Variants in CTNNA3 observed in about 807,000 individuals in gnomAD.
CTNNA3 encodes catenin alpha-3.
Under a neutral mutation model 95.7 loss-of-function variants are expected in CTNNA3, and 76 were observed. The observed-to-expected ratio is 0.79, with a 90% CI of 0.66 to 0.96. The LOEUF (loss-of-function observed/expected upper bound fraction) is 0.96, where lower values mean the gene tolerates loss of function less well. Ranked by LOEUF, CTNNA3 falls within the 40% of genes least tolerant of loss-of-function variation. The pLI, the probability that CTNNA3 is intolerant of heterozygous loss-of-function variation, is 0.00. For synonymous variants in CTNNA3, 431 were observed against 374.4 expected, an observed-to-expected ratio of 1.15 and a Z score of -1.74; for missense variants, 1,191 against 1,089.8, an observed-to-expected ratio of 1.09 and a Z score of -1.31.
At chr10:67,560,885 C>A (rs955534786) in intron 3 of CTNNA3, among the ~76,000 whole-genome samples, 1 of 152,054 alleles carries the variant, frequency 6.6e-6, no homozygotes, top group African/African-American at 2.4e-5. Flanking sequence ...TCAAAAGAGA[C>A]AAAGAAGGCC....
At chr10:67,519,108 C>A (rs1313020496) in intron 5 of CTNNA3, among the ~76,000 whole-genome samples, 1 of 152,086 alleles carries the variant, frequency 6.6e-6, no homozygotes, top group Admixed American at 6.6e-5. Context: ...GATGTGCAGG[C>A]ACTCACTCTT....
At chr10:66,409,062 C>CTATCAAG (rs1241623538) in intron 11 of CTNNA3, among the ~76,000 whole-genome samples, 2 of 152,156 alleles carry the variant, frequency 1.3e-5, no homozygotes, top group East Asian at 1.9e-4. Flanking sequence ...AATTATTTTT[C>CTATCAAG]TATCAAGTCC....
chr10:67,497,142 C>T (rs1839050945), intron 5 of CTNNA3, among the ~76,000 whole-genome samples: 1 of 152,104 alleles, frequency 6.6e-6, no homozygotes, highest in Non-Finnish European at 1.5e-5. Context: ...CCCATGTATT[C>T]TCATTGTTCA....
upstream of CTNNA3, among the ~76,000 whole-genome samples, chr10:67,700,054 A>G (rs189822684): frequency 6.6e-5 from 10 of 152,346 alleles, no homozygotes; most frequent in East Asian, 1.7e-3. Context: ...ACTGCAAGGC[A>G]GCAGCGAGGC....
rs1310286104 is a variant in CTNNA3 at position 66,178,411 on chromosome 10, A to ATATG, written c.1885-75163_1885-75162insCATA. On this transcript the variant is annotated intron_variant, in intron 13 of 17. Coordinates refer to ENST00000433211, the MANE Select transcript of CTNNA3 (RefSeq NM_013266.4). ...AAACCTTGAAAGTGTATATATATATATATATATATATATATATATATATAT... is the reference window on the plus strand; with the variant it reads ...AAACCTTGAAAGTGTATATATATATATATGTATATATATATATATATATATATAT... 7.8e-3 allele frequency among the ~76,000 whole-genome samples: 339 copies of ATATG among 43,200 alleles called. 1 individual carries two copies. Among genetic ancestry groups the ATATG allele is most frequent in the African/African-American group, 0.04 (322 of 8,142 alleles). 28.3% of individuals were successfully genotyped at this position (43,200 alleles called of 152,430 possible).
intron 7 of CTNNA3, among the ~76,000 whole-genome samples, chr10:67,000,469 C>G (rs1265303288): frequency 1.3e-5 from 2 of 152,200 alleles, no homozygotes; most frequent in Non-Finnish European, 2.9e-5. Context: ...TGAGAGACAA[C>G]ACCTACTTAC....
intron 7 of CTNNA3, among the ~76,000 whole-genome samples, chr10:66,904,189 A>G (rs967072616): frequency 1.3e-5 from 2 of 152,228 alleles, no homozygotes; most frequent in Non-Finnish European, 2.9e-5. Flanking sequence ...GACCAATGGA[A>G]CAGAACAGAG....
intron 7 of CTNNA3, among the ~76,000 whole-genome samples, chr10:66,852,845 T>C (rs1442377950): frequency 6.6e-6 from 1 of 152,204 alleles, no homozygotes; most frequent in African/African-American, 2.4e-5. Context: ...TTTTGAAGCA[T>C]TGCATTAGCA....
chr10:66,911,757 A>G (rs745732071), intron 7 of CTNNA3, among the ~76,000 whole-genome samples: 7 of 152,180 alleles, frequency 4.6e-5, no homozygotes, highest in African/African-American at 1.4e-4. Flanking sequence ...TGTCACTACT[A>G]CTTGGTATTA....
At chr10:66,520,245 C>CTTTTTTTTTTTTTTTTT (rs543882241) in intron 11 of CTNNA3, among the ~76,000 whole-genome samples, 1 of 78,010 alleles carries the variant, frequency 1.3e-5, no homozygotes, top group Non-Finnish European at 2.3e-5. Flanking sequence ...TAGTATTATT[C>CTTTTTTTTTTTTTTTTT]TTTTTTTTTT....
intron 7 of CTNNA3, among the ~76,000 whole-genome samples, chr10:67,109,032 A>T (rs574425936): frequency 1.9e-4 from 29 of 152,292 alleles, no homozygotes; most frequent in Admixed American, 1.8e-3. Flanking sequence ...TGTTTTTAAA[A>T]ATGTCCATTA....
intron 14 of CTNNA3, among the ~76,000 whole-genome samples, chr10:66,096,532 T>TA (rs1317867312): frequency 1.3e-5 from 2 of 150,850 alleles, no homozygotes; most frequent in East Asian, 3.9e-4. Flanking sequence ...CTTTCTTTTT[T>TA]TTTTTTTTTA....
chr10:67,485,277 T>C (rs1446132471), intron 5 of CTNNA3, among the ~76,000 whole-genome samples: 1 of 152,174 alleles, frequency 6.6e-6, no homozygotes, highest in Non-Finnish European at 1.5e-5. Flanking sequence ...TGGATACTCA[T>C]GGGCATAAGG....
intron 5 of CTNNA3, among the ~76,000 whole-genome samples, chr10:67,237,556 T>TA (rs957502389): frequency 6.6e-6 from 1 of 151,030 alleles, no homozygotes; most frequent in African/African-American, 2.4e-5. Context: ...AAATTAAAAT[T>TA]AAAAAATTCA....
chr10:67,077,378 C>T lies in CTNNA3; in HGVS notation c.1047+102939G>A, dbSNP rs192189915. Among the ~76,000 whole-genome samples, 20 of 152,318 alleles carry T rather than the reference C, an allele frequency of 1.3e-4. No individual in the cohort carries two copies. The East Asian group carries it at 2.7e-3, about 21-fold the overall frequency. On this transcript the variant is annotated intron_variant, in intron 7 of 17. Coordinates refer to ENST00000433211, the MANE Select transcript of CTNNA3 (RefSeq NM_013266.4). ...CCCTAAAAATTTATAAAATGGTCCA[C>T]AAGGAACTAGTGGCCCTGATGGCTT...
chr10:66,645,259 A>G (rs1845665846), intron 9 of CTNNA3, among the ~76,000 whole-genome samples: 2 of 152,252 alleles, frequency 1.3e-5, no homozygotes, highest in African/African-American at 2.4e-5. Context: ...TGATTGTGGT[A>G]TCAAGGACTC....
rs150581472 is a variant in CTNNA3, at chr10:67,748,673, C to T, written c.-2+14761G>A. On this transcript the variant is annotated intron_variant, in intron 1 of 17. Coordinates refer to the CTNNA3 transcript ENST00000684154. ...CACACTGAAGTGCAAAAACCAATGACATTTTGAAGAAACTGCATCAACTAG... is the reference window on the plus strand; with the variant it reads ...CACACTGAAGTGCAAAAACCAATGATATTTTGAAGAAACTGCATCAACTAG... Among the ~76,000 whole-genome samples, 527 of 152,274 alleles carry T rather than the reference C, an allele frequency of 3.5e-3. 4 individuals are homozygous for T. Among genetic ancestry groups the T allele is most frequent in the South Asian group, 0.015 (72 of 4,822 alleles).
chr10:66,444,364 C>A (rs562311822), intron 11 of CTNNA3, among the ~76,000 whole-genome samples: 3 of 151,976 alleles, frequency 2.0e-5, no homozygotes, highest in Admixed American at 6.6e-5. Context: ...CTCCAAGACA[C>A]ATAATTGTCA....
intron 5 of CTNNA3, among the ~76,000 whole-genome samples, chr10:67,247,140 G>A (rs1865937503): frequency 6.6e-6 from 1 of 152,116 alleles, no homozygotes; most frequent in African/African-American, 2.4e-5. Context: ...CATTGCACTA[G>A]TTCTAGTCAA....
Sources: gnomAD v4.1 joint callset for allele counts (sites outside exome capture counted in the v4.1 genomes callset) on GRCh38, gnomAD v4.1.1 for gene constraint, MANE v1.5 for transcripts, NCBI Gene and HGNC (gene_info 2026-07-23, HGNC 2026-07-21) for gene names.